The following PTPRN variants were observed in gnomAD, a reference collection of about 807,000 sequenced individuals.
PTPRN encodes the protein receptor-type tyrosine-protein phosphatase-like N.
In PTPRN, 70 loss-of-function variants were observed where a neutral mutation model predicts 108.5. That is an observed-to-expected ratio of 0.65 (90% CI 0.53 to 0.79). The LOEUF (loss-of-function observed/expected upper bound fraction) is 0.79, where lower values mean the gene tolerates loss of function less well. PTPRN is among the 30% of genes least tolerant of loss of function. The pLI is 0.00. For missense variants in PTPRN, 1,136 were observed against 1,295.5 expected, an observed-to-expected ratio of 0.88 and a Z score of 1.89; for synonymous variants, 496 against 524.6, an observed-to-expected ratio of 0.95 and a Z score of 0.75.
At chr2:219,307,398 A>G in intron 3 of PTPRN, 46 bp downstream of exon 3, 1 of 1,527,524 alleles carries the variant, frequency 6.5e-7, no homozygotes, top group South Asian at 1.1e-5. Flanking sequence ...CCCACCCATA[A>G]CTAACCAAGT....
intron 3 of PTPRN, among the ~76,000 whole-genome samples, chr2:219,306,053 G>A (rs1049847548): frequency 5.3e-5 from 8 of 152,120 alleles, no homozygotes; most frequent in African/African-American, 1.9e-4. Flanking sequence ...GGGAGGCTGA[G>A]GCAGGAGAAT....
Position 219,297,229 on chromosome 2 carries a change from T to C in PTPRN, c.2088+4A>G. 1 of 1,613,612 alleles carries C rather than the reference T, an allele frequency of 6.2e-7. No individual in the cohort carries two copies. The highest frequency in any genetic ancestry group is 8.5e-7 in the Non-Finnish European group (1 of 1,179,696). ...CCCACTCTGGGCCCAGGCCCTGTCC[T>C]GACCAGAATCATGTGTCCCGTGGAG... On this transcript the variant is annotated splice_donor_region_variant and intron_variant, in intron 14 of 22. Transcript: ENST00000295718. This position sits in a 1 kb window ranked among gnomAD's most constrained non-coding sequence, Gnocchi z 6.0.
At chr2:219,295,316 T>G (rs1427577182) in intron 18 of PTPRN, 175 bp from the exon 19 acceptor site, 2 of 618,584 alleles carry the variant, frequency 3.2e-6, no homozygotes, top group Non-Finnish European at 5.5e-6. Flanking sequence ...TATCTACTGC[T>G]CAGGACCACT....
chr2:219,297,407 C>G lies in PTPRN; in HGVS notation c.1914G>C (p.Thr638=). 9 of 1,614,126 alleles carry G rather than the reference C, an allele frequency of 5.6e-6. No homozygotes were observed. Among genetic ancestry groups the G allele is most frequent in the Non-Finnish European group, 7.6e-6 (9 of 1,180,040 alleles). ...YQDLCRQHMA[T]KSLFNRAEGP... is the part of the protein sequence containing the mutation. The stretch of plus-strand genomic sequence containing the variant: ...CCTCTGCCCGGTTGAACAAGGACTT[C>G]GTGGCCATGTGCTGGCGGCACAGGT... Residue 638 remains threonine (T), a synonymous_variant, in exon 14 of 23, where the codon ACG becomes ACC. Coordinates refer to ENST00000295718, the MANE Select transcript of PTPRN (RefSeq NM_002846.4). This position sits in a 1 kb window ranked among gnomAD's most constrained non-coding sequence, Gnocchi z 6.0.
intron 3 of PTPRN, among the ~76,000 whole-genome samples, chr2:219,304,423 C>G (rs1952432662): frequency 6.6e-6 from 1 of 152,168 alleles, no homozygotes; most frequent in African/African-American, 2.4e-5. Flanking sequence ...TTGTCGTCAT[C>G]ATCATCATCA....
At position 219,290,072 on chromosome 2, in the gene PTPRN, G is replaced by A. The variant is rs986686057; in HGVS notation, c.*154C>T. 3.5e-5 allele frequency: 25 copies of A among 715,968 alleles called. 1 individual carries two copies. Among genetic ancestry groups the A allele is most frequent in the Middle Eastern group, 2.9e-4 (1 of 3,444 alleles). 44.4% of individuals were successfully genotyped at this position (715,968 alleles called of 1,614,324 possible). A position where few individuals can be genotyped will look rare whatever the true frequency, so the allele number is the denominator to read the frequency against. ...CTCTGGCATGCGAGGCTGGGCAGGCGTGCCCCTTCTGGCTTTCCCTTCCTG... is the reference window on the plus strand; with the variant it reads ...CTCTGGCATGCGAGGCTGGGCAGGCATGCCCCTTCTGGCTTTCCCTTCCTG... On this transcript the variant is annotated 3_prime_UTR_variant, in exon 23 of 23. Transcript: ENST00000295718. This position sits in a 1 kb window ranked among gnomAD's most constrained non-coding sequence, Gnocchi z 4.2.
Position 219,296,410 on chromosome 2 carries a change from C to G in PTPRN, c.2388+29G>C, listed in dbSNP as rs1219359230. On this transcript the variant is annotated intron_variant, in intron 17 of 22. Transcript: ENST00000295718. The surrounding 1 kb of genome is among the most constrained non-coding windows in gnomAD (Gnocchi z 6.0). ...CTGGGACCTCGTGGCCACAAGGACC[C>G]CAGCGAAGCCCTCCCTTTAAGAGCC... 1 of 1,614,102 alleles carries G rather than the reference C, an allele frequency of 6.2e-7. No individual in the cohort carries two copies. Among genetic ancestry groups the G allele is most frequent in the Non-Finnish European group, 8.5e-7 (1 of 1,179,962 alleles).
rs1952241149 is a variant in PTPRN at position 219,297,917 on chromosome 2, C to T, written c.1855G>A (p.Gly619Arg). 1.9e-6 allele frequency: 3 copies of T among 1,612,188 alleles called. No homozygotes were observed. Among genetic ancestry groups the T allele is most frequent in the Non-Finnish European group, 8.5e-7 (1 of 1,179,720 alleles). ...KERLAALGPE[G>R]AHGDTTFEYQ... is the part of the protein sequence containing the mutation. ...TCAAAGGTAGTGTCACCATGGGCCC[C>T]CTCAGGCCCCAGGGCTGCCAGGCGC... Residue 619 changes from glycine (G) to arginine (R), a missense_variant, in exon 13 of 23, where the codon GGG becomes AGG. By Grantham distance (125) the Gly-to-Arg change is moderately radical (BLOSUM62 -2). Transcript: ENST00000295718. This position sits in a 1 kb window ranked among gnomAD's most constrained non-coding sequence, Gnocchi z 6.0.
intron 6 of PTPRN, 96 bp downstream of exon 6, chr2:219,302,041 A>G (rs1952361196): frequency 8.6e-7 from 1 of 1,157,072 alleles, no homozygotes; most frequent in Non-Finnish European, 1.2e-6. Context: ...GACTTTAAGG[A>G]CAAGTTAACA....
In PTPRN at chr2:219,299,345, A is replaced by G. The variant is rs770483634; in HGVS notation, c.1563T>C (p.Asn521=). Residue 521 remains asparagine (N), a synonymous_variant, in exon 11 of 23, where the codon AAT becomes AAC. Transcript: ENST00000295718. ...GPALTFRIRH[N]EQNLSLADVT... is the part of the protein sequence containing the mutation. ...CATCAGCCAAAGACAGGTTCTGCTCATTGTGCCGGATGCGGAAGGTGAGGG... is the reference window on the plus strand; with the variant it reads ...CATCAGCCAAAGACAGGTTCTGCTCGTTGTGCCGGATGCGGAAGGTGAGGG... 5.0e-6 allele frequency: 8 copies of G among 1,614,064 alleles called. No homozygotes were observed. Among genetic ancestry groups the G allele is most frequent in the Non-Finnish European group, 6.8e-6 (8 of 1,180,050 alleles).
chr2:219,306,608 T>C (rs1952491323), intron 3 of PTPRN, among the ~76,000 whole-genome samples: 1 of 152,190 alleles, frequency 6.6e-6, no homozygotes, highest in African/African-American at 2.4e-5. Flanking sequence ...TGTCCATACA[T>C]TCCCCTATGA....
intron 3 of PTPRN, among the ~76,000 whole-genome samples, chr2:219,305,162 T>C (rs1295694456): frequency 6.6e-6 from 1 of 151,488 alleles, no homozygotes; most frequent in Non-Finnish European, 1.5e-5. Flanking sequence ...TGAACACTGT[T>C]GTTTTTAATC....
At position 219,301,283 on chromosome 2, in the gene PTPRN, C is replaced by T. The variant is rs144200430; in HGVS notation, c.1126+305G>A. On this transcript the variant is annotated intron_variant, in intron 7 of 22. Coordinates refer to ENST00000295718, the MANE Select transcript of PTPRN (RefSeq NM_002846.4). ...GGCTTCTTCTTAGTACTGGCTATGC[C>T]CGTTTTTAGGCCCTCATTGTCACCA... Among the ~76,000 whole-genome samples the T allele has an allele frequency of 2.6e-5, 4 of 151,846 alleles. No homozygotes were observed. The East Asian group carries it at 7.7e-4, about 29-fold the overall frequency.
At chr2:219,304,009 G>A (rs1952422454) in intron 3 of PTPRN, 178 bp from the exon 4 acceptor site, 1 of 472,364 alleles carries the variant, frequency 2.1e-6, no homozygotes, top group Non-Finnish European at 3.7e-6. Flanking sequence ...ACAGCTATTG[G>A]AGCCAGACCA....
intron 19 of PTPRN, 199 bp from the exon 20 acceptor site, chr2:219,291,722 A>G: frequency 3.3e-6 from 2 of 608,274 alleles, no homozygotes; most frequent in Non-Finnish European, 5.9e-6. Flanking sequence ...TCGCCTTGTC[A>G]CTTGCAAGCT....
At chr2:219,291,014 T>C (rs534466304) in intron 20 of PTPRN, 124 bp from the exon 21 acceptor site, 1 of 901,092 alleles carries the variant, frequency 1.1e-6, no homozygotes, top group African/African-American at 1.6e-5. Flanking sequence ...TGGGGTTGGC[T>C]TGGAGAGGGA....
Position 219,295,053 on chromosome 2 carries a change from G to T in PTPRN, c.2597C>A (p.Thr866Lys). 2 of 1,613,418 alleles carry T rather than the reference G, an allele frequency of 1.2e-6. No homozygotes were observed. Among genetic ancestry groups the T allele is most frequent in the Middle Eastern group, 1.7e-4 (1 of 6,058 alleles). ...LKNVQTQETR[T>K]LTQFHFLSWP... ...GCTGAGGAAGTGGAACTGCGTGAGC[G>T]TGCGCGTCTCCTGGGTCTGCACGTT... Residue 866 changes from threonine to lysine, a missense_variant, in exon 19 of 23, where the codon ACG becomes AAG. Physicochemically the swap from Thr to Lys is moderately conservative, Grantham distance 78. Transcript: ENST00000295718.
intron 1 of PTPRN, 129 bp downstream of exon 1, chr2:219,309,089 G>T (rs1489379016): frequency 1.4e-6 from 2 of 1,476,804 alleles, no homozygotes; most frequent in Admixed American, 2.2e-5. Flanking sequence ...TCCTCATCTC[G>T]CATGCCTCCC....
At chr2:219,307,867 G>A (rs2125099189) in intron 1 of PTPRN, 25 bp from the exon 2 acceptor site, 3 of 1,612,362 alleles carry the variant, frequency 1.9e-6, no homozygotes, top group Non-Finnish European at 2.5e-6. Context: ...GTGAGCAGAG[G>A]CTCAGACACC....
Sources: allele counts gnomAD v4.1 joint callset (sites outside exome capture counted in the v4.1 genomes callset), GRCh38; gene constraint gnomAD v4.1.1; non-coding constraint Gnocchi (gnomAD v3.1); transcripts MANE v1.5; gene names NCBI Gene and HGNC (gene_info 2026-07-23, HGNC 2026-07-21).